Variants in NALF1 observed in about 807,000 individuals in gnomAD.
NALF1 encodes NALCN channel auxiliary factor 1, also known as family with sequence similarity 155 member A.
Under a neutral mutation model 48.4 loss-of-function variants are expected in NALF1, and 3 were observed. That is an observed-to-expected ratio of 0.06 (90% confidence interval 0.03 to 0.16). The LOEUF (loss-of-function observed/expected upper bound fraction) is 0.16. Ranked by LOEUF, NALF1 falls within the 10% of genes least tolerant of loss-of-function variation. The pLI, the probability that NALF1 is intolerant of heterozygous loss-of-function variation, is 1.00. For missense variants in NALF1, 526 were observed against 571.5 expected (o/e 0.92, Z 0.81); for synonymous variants, 262 against 245.7 (o/e 1.07, Z -0.62).
intron 1 of NALF1, among the ~76,000 whole-genome samples, chr13:107,721,026 T>C (rs921696659): frequency 5.3e-5 from 8 of 151,888 alleles, no homozygotes; most frequent in Admixed American, 5.2e-4. Context: ...GGATATCACA[T>C]GAATGGTACA....
chr13:107,171,222 G>A, intron 2 of NALF1, among the ~76,000 whole-genome samples: 1 of 152,176 alleles, frequency 6.6e-6, no homozygotes, highest in East Asian at 1.9e-4. Context: ...ATAGCTCTAG[G>A]AACCATGTTA....
At position 107,770,019 on chromosome 13, in the gene NALF1, T is replaced by C. The variant is rs564426119; in HGVS notation, c.915+95663A>G. On this transcript the variant is annotated intron_variant, in intron 1 of 2. Coordinates refer to ENST00000375915, the MANE Select transcript of NALF1 (RefSeq NM_001080396.3). ...GCTCTGTCCCCTGGGTTCACACCATTCTCCTGCCTCAGCCTCCTGAGTAGC... is the reference window on the plus strand; with the variant it reads ...GCTCTGTCCCCTGGGTTCACACCATCCTCCTGCCTCAGCCTCCTGAGTAGC... 4.8e-3 allele frequency among the ~76,000 whole-genome samples: 723 copies of C among 152,180 alleles called. 1 individual carries two copies. The highest frequency in any genetic ancestry group is 7.6e-3 in the Non-Finnish European group (520 of 67,994).
chr13:107,710,841 A>G (rs1875565676), intron 1 of NALF1, among the ~76,000 whole-genome samples: 2 of 149,968 alleles, frequency 1.3e-5, no homozygotes, highest in South Asian at 2.1e-4. Context: ...AGAGACACGT[A>G]TAAATATACA....
At chr13:107,247,772 T>C (rs1880612864) in intron 1 of NALF1, among the ~76,000 whole-genome samples, 2 of 152,156 alleles carry the variant, frequency 1.3e-5, no homozygotes, top group Non-Finnish European at 2.9e-5. Context: ...TATTAAAAAA[T>C]GACTTTGGGA....
chr13:107,849,472 A>C (rs532259837), intron 1 of NALF1, among the ~76,000 whole-genome samples: 1 of 152,276 alleles, frequency 6.6e-6, no homozygotes, highest in South Asian at 2.1e-4. Context: ...TGTCTGGTGC[A>C]TGGCCTGGGA....
intron 1 of NALF1, among the ~76,000 whole-genome samples, chr13:107,355,066 A>T (rs2138948780): frequency 6.6e-6 from 1 of 152,314 alleles, no homozygotes; most frequent in South Asian, 2.1e-4. Context: ...GCATCTGGGC[A>T]CTGCCTATCT....
intron 1 of NALF1, among the ~76,000 whole-genome samples, chr13:107,549,237 T>C (rs997742501): frequency 3.3e-5 from 5 of 152,144 alleles, no homozygotes; most frequent in Admixed American, 1.3e-4. Flanking sequence ...CATTTATCAA[T>C]TGAGGGTGAC....
intron 1 of NALF1, among the ~76,000 whole-genome samples, chr13:107,402,690 A>T (rs962223166): frequency 6.6e-6 from 1 of 152,104 alleles, no homozygotes; most frequent in African/African-American, 2.4e-5. Context: ...CAGGCTTTGG[A>T]GTCAGAGAAG....
At chr13:107,642,421 G>A (rs1594178973) in intron 1 of NALF1, among the ~76,000 whole-genome samples, 1 of 152,070 alleles carries the variant, frequency 6.6e-6, no homozygotes, top group East Asian at 1.9e-4. Context: ...TAGAATTTTG[G>A]TTTCCAATGA....
intron 1 of NALF1, among the ~76,000 whole-genome samples, chr13:107,238,279 G>A (rs1353655523): frequency 6.6e-6 from 1 of 152,154 alleles, no homozygotes; most frequent in Non-Finnish European, 1.5e-5. Flanking sequence ...TTTAAATTCT[G>A]AGCCCTCATC....
intron 1 of NALF1, among the ~76,000 whole-genome samples, chr13:107,601,285 G>A (rs933933160): frequency 6.6e-6 from 1 of 152,166 alleles, no homozygotes; most frequent in Non-Finnish European, 1.5e-5. Flanking sequence ...GGATTCCAAT[G>A]TAAGAATTCC....
intron 1 of NALF1, among the ~76,000 whole-genome samples, chr13:107,759,738 A>G (rs148725089): frequency 1.1e-3 from 171 of 149,942 alleles, no homozygotes; most frequent in African/African-American, 3.9e-3. Flanking sequence ...TGGAGCCTCA[A>G]TTAGCTATCT....
chr13:107,866,723 CTCTCTT>C lies in NALF1; in HGVS notation c.-133_-128del, dbSNP rs1880744789. On this transcript the variant is annotated 5_prime_UTR_variant, in exon 1 of 3. Coordinates refer to ENST00000375915, the MANE Select transcript of NALF1 (RefSeq NM_001080396.3). The surrounding 1 kb of genome is among the most constrained non-coding windows in gnomAD (Gnocchi z 4.4). ...TCCTCCCGTTTCTTCTCTCTCCTCT[CTCTCTT>C]TCTCTCTCTTCCCCTCTCCCTCTCT... 9 of 601,778 alleles carry C rather than the reference CTCTCTT, an allele frequency of 1.5e-5. No individual in the cohort carries two copies. Among genetic ancestry groups the C allele is most frequent in the South Asian group, 1.4e-4 (7 of 51,650 alleles). 37.3% of individuals were successfully genotyped at this position (601,778 alleles called of 1,614,324 possible).
intron 1 of NALF1, among the ~76,000 whole-genome samples, chr13:107,552,948 C>T (rs1877340359): frequency 6.6e-6 from 1 of 150,966 alleles, no homozygotes; most frequent in Non-Finnish European, 1.5e-5. Flanking sequence ...CTCTTAAATA[C>T]TCTGAATTGT....
intron 1 of NALF1, among the ~76,000 whole-genome samples, chr13:107,668,706 T>C (rs1252946194): frequency 6.6e-6 from 1 of 152,108 alleles, no homozygotes; most frequent in African/African-American, 2.4e-5. Flanking sequence ...ATATCTGAGA[T>C]GTGCTCATGT....
intron 1 of NALF1, among the ~76,000 whole-genome samples, chr13:107,762,851 T>A (rs1213367900): frequency 6.6e-6 from 1 of 152,146 alleles, no homozygotes; most frequent in Non-Finnish European, 1.5e-5. Flanking sequence ...TTTTAATATA[T>A]TAAAAAAGAA....
chr13:107,342,483 A>G (rs1882699414), intron 1 of NALF1, among the ~76,000 whole-genome samples: 1 of 152,188 alleles, frequency 6.6e-6, no homozygotes, highest in Non-Finnish European at 1.5e-5. Flanking sequence ...TATACAGCCC[A>G]AAACCTTTAT....
At chr13:107,727,160 A>G (rs1274923227) in intron 1 of NALF1, among the ~76,000 whole-genome samples, 1 of 152,116 alleles carries the variant, frequency 6.6e-6, no homozygotes, top group Non-Finnish European at 1.5e-5. Flanking sequence ...CACAGACTCG[A>G]GACCAGTGTG....
chr13:107,347,667 A>G (rs754659726), intron 1 of NALF1, among the ~76,000 whole-genome samples: 3 of 152,212 alleles, frequency 2.0e-5, no homozygotes, highest in Non-Finnish European at 2.9e-5. Context: ...TTAATAATGC[A>G]TTACGCAAAA....
Sources: gnomAD v4.1 joint callset for allele counts (sites outside exome capture counted in the v4.1 genomes callset) on GRCh38, gnomAD v4.1.1 for gene constraint, Gnocchi (gnomAD v3.1) non-coding constraint, MANE v1.5 for transcripts, NCBI Gene and HGNC (gene_info 2026-07-23, HGNC 2026-07-21) for gene names.